The following MALT1 variants were observed in gnomAD, a reference collection of about 807,000 sequenced individuals.
The protein encoded by MALT1 is mucosa-associated lymphoid tissue lymphoma translocation protein 1.
MALT1 carries 36 observed loss-of-function variants against 85.5 expected under a neutral mutation model. The observed-to-expected ratio is 0.42, with a 90% confidence interval of 0.32 to 0.56. The LOEUF is 0.56. MALT1 is among the 20% of genes least tolerant of loss of function. MALT1 has a pLI of 0.10. For missense variants in MALT1, 716 were observed against 981.6 expected (o/e 0.73, Z 3.62); for synonymous variants, 359 against 361.3 (o/e 0.99, Z 0.07).
Position 58,710,002 on chromosome 18 carries a change from A to G in MALT1, c.855A>G (p.Gln285=), listed in dbSNP as rs2054809809. Reference sequence around the variant, plus strand: ...TGCCTTATGTGGATTTGGAACACCAAGGAACCTACTGGTGTCATGTATATA... The same window carrying G: ...TGCCTTATGTGGATTTGGAACACCAGGGAACCTACTGGTGTCATGTATATA... The part of the protein sequence containing the change: ...YMVPYVDLEH[Q]GTYWCHVYND... The change falls in exon 6 of 17, where the codon CAA becomes CAG. Residue 285 remains glutamine, a synonymous_variant. Coordinates refer to ENST00000649217, the MANE Select transcript of MALT1 (RefSeq NM_006785.4). The G allele has an allele frequency of 1.2e-6, 2 of 1,611,360 alleles. No homozygotes were observed. The highest frequency in any genetic ancestry group is 1.6e-4 in the Middle Eastern group (1 of 6,072).
At chr18:58,690,075 T>C (rs2054473514) in intron 2 of MALT1, among the ~76,000 whole-genome samples, 1 of 152,262 alleles carries the variant, frequency 6.6e-6, no homozygotes, top group Admixed American at 6.5e-5. Context: ...TACTTCACTT[T>C]CTGCAAGTTG....
At chr18:58,740,790 TTTA>T (rs1473479729) in intron 13 of MALT1, among the ~76,000 whole-genome samples, 4 of 152,156 alleles carry the variant, frequency 2.6e-5, no homozygotes, top group African/African-American at 4.8e-5. Context: ...CGTATTAATT[TTTA>T]TTGTTTTGTT....
intron 10 of MALT1, among the ~76,000 whole-genome samples, chr18:58,729,296 C>T (rs1185350179): frequency 2.0e-5 from 3 of 151,958 alleles, no homozygotes; most frequent in Admixed American, 2.0e-4. Context: ...TTGAGACCAG[C>T]CTGACCAACA....
At chr18:58,745,421 T>G (rs1285381344) in intron 15 of MALT1, among the ~76,000 whole-genome samples, 1 of 152,206 alleles carries the variant, frequency 6.6e-6, no homozygotes, top group Non-Finnish European at 1.5e-5. Flanking sequence ...AGGAATCATT[T>G]GAAAGGAAGC....
In MALT1 at chr18:58,726,172, G is replaced by A. The variant is rs935236957; in HGVS notation, c.1222+2921G>A. Among the ~76,000 whole-genome samples, 6 of 152,124 alleles carry A rather than the reference G, an allele frequency of 3.9e-5. No individual in the cohort carries two copies. In the South Asian group the frequency reaches 1.2e-3, roughly 31 times the overall value. ...TGAAGCTTTGCCCCAATATAAAAAC[G>A]TCATCTTGGAGTACAAAATAAAGAG... On this transcript the variant is annotated intron_variant, in intron 10 of 16. Transcript: ENST00000649217.
At chr18:58,678,700 T>G (rs1253908868) in intron 1 of MALT1, among the ~76,000 whole-genome samples, 1 of 152,204 alleles carries the variant, frequency 6.6e-6, no homozygotes, top group Non-Finnish European at 1.5e-5. Flanking sequence ...TTTTGTATTT[T>G]ACGAATTGTA....
chr18:58,679,745 C>T (rs1568121593), intron 1 of MALT1, among the ~76,000 whole-genome samples: 1 of 152,120 alleles, frequency 6.6e-6, no homozygotes, highest in African/African-American at 2.4e-5. Context: ...GATGGGGCTT[C>T]ACCATGTTGG....
chr18:58,717,205 A>G lies in MALT1; in HGVS notation c.1018+1238A>G, dbSNP rs575872482. On this transcript the variant is annotated intron_variant, in intron 9 of 16. Transcript: ENST00000649217. ...TGGAGAAACCCCGTCTCTACTAAAAATACAAAAATTAGCTGGGCATTGTGG... is the reference window on the plus strand; with the variant it reads ...TGGAGAAACCCCGTCTCTACTAAAAGTACAAAAATTAGCTGGGCATTGTGG... 3.3e-5 allele frequency among the ~76,000 whole-genome samples: 5 copies of G among 152,260 alleles called. No individual in the cohort carries two copies. The East Asian group carries it at 9.6e-4, about 29-fold the overall frequency.
chr18:58,744,216 G>A, intron 14 of MALT1, 122 bp from the exon 15 acceptor site: 1 of 564,338 alleles, frequency 1.8e-6, no homozygotes, highest in South Asian at 3.4e-5. Context: ...TAAATTGTAT[G>A]TGTTTAAACA....
chr18:58,738,796 T>A (rs927674467), intron 13 of MALT1, among the ~76,000 whole-genome samples: 2 of 151,788 alleles, frequency 1.3e-5, no homozygotes, highest in African/African-American at 4.8e-5. Flanking sequence ...CTTCTGTGTG[T>A]GTGTGTGTGT....
intron 9 of MALT1, among the ~76,000 whole-genome samples, chr18:58,717,282 G>T (rs2054915435): frequency 6.6e-6 from 1 of 151,618 alleles, no homozygotes. Context: ...AGAATCTCTT[G>T]AACCCGAGAG....
intron 15 of MALT1, among the ~76,000 whole-genome samples, chr18:58,745,083 C>T (rs2055348740): frequency 6.6e-6 from 1 of 152,114 alleles, no homozygotes; most frequent in African/African-American, 2.4e-5. Flanking sequence ...AGTAAATGGT[C>T]TAGCACCAAA....
chr18:58,743,284 G>C (rs978304390), intron 14 of MALT1, among the ~76,000 whole-genome samples: 2 of 152,134 alleles, frequency 1.3e-5, no homozygotes, highest in Admixed American at 1.3e-4. Context: ...GCTGAGCCAG[G>C]AGAATCACTT....
At chr18:58,730,317 C>T (rs2055129555) in intron 10 of MALT1, among the ~76,000 whole-genome samples, 1 of 152,128 alleles carries the variant, frequency 6.6e-6, no homozygotes, top group Admixed American at 6.5e-5. Context: ...TCCCATTCCT[C>T]CTTACCCCAG....
At chr18:58,720,528 G>T (rs1028122185) in intron 9 of MALT1, among the ~76,000 whole-genome samples, 1 of 152,166 alleles carries the variant, frequency 6.6e-6, no homozygotes, top group Non-Finnish European at 1.5e-5. Flanking sequence ...GAAAATTTTA[G>T]AAGTGTTATA....
intron 13 of MALT1, among the ~76,000 whole-genome samples, chr18:58,736,798 T>C (rs1172233913): frequency 6.6e-6 from 1 of 152,236 alleles, no homozygotes; most frequent in Non-Finnish European, 1.5e-5. Context: ...CTCAGCTCAG[T>C]GCCGTGCACA....
At position 58,701,583 on chromosome 18, in the gene MALT1, T is replaced by C. The variant is rs72960729; in HGVS notation, c.649+992T>C. The stretch of plus-strand genomic sequence containing the variant: ...GCAGGTAGTAGTCGCTTACCAGTTA[T>C]GCAATTCATTGACCACCCTCATGAG... On this transcript the variant is annotated intron_variant, in intron 4 of 16. Coordinates refer to ENST00000649217, the MANE Select transcript of MALT1 (RefSeq NM_006785.4). Among the ~76,000 whole-genome samples the C allele has an allele frequency of 3.3e-3, 504 of 152,352 alleles. 2 individuals carry two copies. Among genetic ancestry groups the C allele is most frequent in the Non-Finnish European group, 4.9e-3 (331 of 68,034 alleles).
intron 2 of MALT1, among the ~76,000 whole-genome samples, chr18:58,684,990 G>A (rs948647350): frequency 2.0e-5 from 3 of 152,154 alleles, no homozygotes; most frequent in South Asian, 4.1e-4. Context: ...TAAAACAATC[G>A]TTTCCACCTG....
intron 5 of MALT1, 145 bp downstream of exon 5, chr18:58,709,701 C>T: frequency 2.7e-6 from 2 of 734,382 alleles, no homozygotes; most frequent in Non-Finnish European, 4.2e-6. Flanking sequence ...CTTATGATTT[C>T]ATATTAACTA....
Sources: allele counts gnomAD v4.1 joint callset (sites outside exome capture counted in the v4.1 genomes callset), GRCh38; gene constraint gnomAD v4.1.1; transcripts MANE v1.5; gene names NCBI Gene and HGNC (gene_info 2026-07-23, HGNC 2026-07-21).